OR51B5: variants seen among roughly 807,000 people sequenced by gnomAD.
OR51B5 encodes olfactory receptor family 51 subfamily B member 5, also known as olfactory receptor 51B5.
For missense variants in OR51B5, 456 were observed against 374.6 expected (o/e 1.22, Z -1.79); for synonymous variants, 186 against 144.8 (o/e 1.28, Z -2.04).
At chr11:5,346,597 G>T (rs960353957), upstream of OR51B5, among the ~76,000 whole-genome samples, 2 of 151,496 alleles carry the variant, frequency 1.3e-5, no homozygotes, top group Admixed American at 6.6e-5. Flanking sequence ...ATATGAGAGG[G>T]TCAATCATAT....
At chr11:5,432,853 G>A (rs1850550901) in intron 1 of OR51B5, among the ~76,000 whole-genome samples, 1 of 152,132 alleles carries the variant, frequency 6.6e-6, no homozygotes, top group Non-Finnish European at 1.5e-5. Flanking sequence ...GGAGATGAGA[G>A]TAAACTGTGG....
chr11:5,353,781 A>G (rs906668054), intron 1 of OR51B5, among the ~76,000 whole-genome samples: 1 of 152,256 alleles, frequency 6.6e-6, no homozygotes, highest in Non-Finnish European at 1.5e-5. Context: ...ACTGACACTC[A>G]GTGATCTATG....
chr11:5,463,460 C>T (rs996805226), intron 1 of OR51B5, among the ~76,000 whole-genome samples: 5 of 152,192 alleles, frequency 3.3e-5, no homozygotes, highest in Non-Finnish European at 7.3e-5. Flanking sequence ...TCATTTACTG[C>T]CAGCCATGTT....
chr11:5,420,567 C>T (rs1850317758), intron 1 of OR51B5, among the ~76,000 whole-genome samples: 1 of 151,126 alleles, frequency 6.6e-6, no homozygotes, highest in Non-Finnish European at 1.5e-5. Context: ...TAAATTTTAC[C>T]ATTTTTTGCT....
chr11:5,402,908 T>C, intron 1 of OR51B5: 1 of 471,328 alleles, frequency 2.1e-6, no homozygotes, highest in South Asian at 1.5e-5. Flanking sequence ...TTTTTCCAGA[T>C]GTTCTCCATC....
At chr11:5,360,299 A>G (rs949822882) in intron 1 of OR51B5, among the ~76,000 whole-genome samples, 69 of 152,044 alleles carry the variant, frequency 4.5e-4, no homozygotes, top group African/African-American at 1.6e-3. Flanking sequence ...AATTTACAAG[A>G]AAAAAACAAC....
At chr11:5,502,214 G>T (rs1277597660) in intron 1 of OR51B5, among the ~76,000 whole-genome samples, 1 of 151,822 alleles carries the variant, frequency 6.6e-6, no homozygotes, top group South Asian at 2.1e-4. Context: ...CATTCTCTGT[G>T]TAAGTTGAGA....
intron 1 of OR51B5, among the ~76,000 whole-genome samples, chr11:5,357,553 A>G (rs1471997019): frequency 6.6e-6 from 1 of 152,016 alleles, no homozygotes; most frequent in Non-Finnish European, 1.5e-5. Context: ...CACTGTCAAC[A>G]TTAGACAGAT....
intron 1 of OR51B5, among the ~76,000 whole-genome samples, chr11:5,477,033 A>G (rs1025936317): frequency 1.2e-4 from 19 of 152,210 alleles, no homozygotes; most frequent in Non-Finnish European, 4.4e-5. Context: ...TATATTTTAA[A>G]ATGTGCCGAG....
intron 1 of OR51B5, among the ~76,000 whole-genome samples, chr11:5,477,722 T>A (rs1590019459): frequency 6.6e-6 from 1 of 152,086 alleles, no homozygotes; most frequent in Non-Finnish European, 1.5e-5. Flanking sequence ...GTCAGGGAGT[T>A]CCCTTTCCGA....
chr11:5,431,910 G>T (rs1850539910), intron 1 of OR51B5, among the ~76,000 whole-genome samples: 1 of 152,110 alleles, frequency 6.6e-6, no homozygotes, highest in South Asian at 2.1e-4. Context: ...CATAATATTT[G>T]TACATATTTA....
chr11:5,486,541 C>T (rs1564829992), intron 1 of OR51B5, among the ~76,000 whole-genome samples: 1 of 152,164 alleles, frequency 6.6e-6, no homozygotes, highest in Admixed American at 6.5e-5. Context: ...TCTTGACTCA[C>T]TTCTGAGATT....
chr11:5,396,763 AG>A (rs1386408188), intron 1 of OR51B5, among the ~76,000 whole-genome samples: 3 of 152,068 alleles, frequency 2.0e-5, no homozygotes, highest in African/African-American at 7.2e-5. Flanking sequence ...CTAAGCCAAA[AG>A]AACAAAGCTG....
At chr11:5,368,507 C>T (rs1345742072) in intron 1 of OR51B5, among the ~76,000 whole-genome samples, 1 of 152,074 alleles carries the variant, frequency 6.6e-6, no homozygotes, top group African/African-American at 2.4e-5. Context: ...GAAAATGAGA[C>T]AATTTGACCT....
chr11:5,465,557 A>G (rs1436790494), intron 1 of OR51B5, among the ~76,000 whole-genome samples: 1 of 150,268 alleles, frequency 6.7e-6, no homozygotes, highest in African/African-American at 2.5e-5. Flanking sequence ...ACTTCAAACT[A>G]TACTACAAGG....
intron 1 of OR51B5, among the ~76,000 whole-genome samples, chr11:5,439,886 G>A (rs576958114): frequency 8.5e-5 from 13 of 152,252 alleles, no homozygotes; most frequent in Non-Finnish European, 1.9e-4. Context: ...CTAAGAATCT[G>A]TTTCTCTATA....
intron 1 of OR51B5, chr11:5,468,578 C>T (rs895939400): frequency 1.1e-5 from 5 of 437,030 alleles, no homozygotes; most frequent in South Asian, 5.0e-5. Context: ...ATTGGAGGTA[C>T]AAAGAGACAT....
chr11:5,406,437 T>C (rs1850059298), intron 1 of OR51B5, among the ~76,000 whole-genome samples: 1 of 152,172 alleles, frequency 6.6e-6, no homozygotes, highest in Non-Finnish European at 1.5e-5. Context: ...TTGGAATCTC[T>C]TGGTGTCTAT....
intron 1 of OR51B5, among the ~76,000 whole-genome samples, chr11:5,432,678 T>TATTA (rs1390713461): frequency 6.6e-6 from 1 of 152,198 alleles, no homozygotes; most frequent in Non-Finnish European, 1.5e-5. Flanking sequence ...ATAAGCAAGA[T>TATTA]ATTACATGGG....
Sources: gnomAD v4.1 joint callset for allele counts (sites outside exome capture counted in the v4.1 genomes callset) on GRCh38, gnomAD v4.1.1 for gene constraint, MANE v1.5 for transcripts, NCBI Gene and HGNC (gene_info 2026-07-23, HGNC 2026-07-21) for gene names.